The following ATXN7L1 variants were observed in gnomAD, a reference collection of about 807,000 sequenced individuals.
ATXN7L1 encodes the protein ataxin 7 like 1.
In ATXN7L1, 15 loss-of-function variants were observed where a neutral mutation model predicts 70.8. That is an observed-to-expected ratio of 0.21 (90% CI 0.14 to 0.33). The LOEUF is 0.33. Ranked by LOEUF, ATXN7L1 falls within the 10% of genes least tolerant of loss-of-function variation. ATXN7L1 has a pLI of 1.00. For missense variants in ATXN7L1, 975 were observed against 1,097.1 expected (o/e 0.89, Z 1.57); for synonymous variants, 440 against 445.1 (o/e 0.99, Z 0.14).
At position 105,649,246 on chromosome 7, in the gene ATXN7L1, T is replaced by A. The variant is rs144143156; in HGVS notation, c.579-6125A>T. Among the ~76,000 whole-genome samples, 15 of 152,328 alleles carry A rather than the reference T, an allele frequency of 9.8e-5. No individual in the cohort carries two copies. In the East Asian group the frequency reaches 2.9e-3, roughly 29 times the overall value. On this transcript the variant is annotated intron_variant, in intron 4 of 11. Transcript: ENST00000419735. ...TTTTGTTCACTTGGGATGAACTCTT[T>A]CAGAGAGCTCAGGGCTGCAGCCTGT... is the stretch of plus-strand genomic sequence containing the variant.
At chr7:105,702,028 G>T (rs1563018789) in intron 3 of ATXN7L1, among the ~76,000 whole-genome samples, 1 of 152,226 alleles carries the variant, frequency 6.6e-6, no homozygotes, top group Non-Finnish European at 1.5e-5. Flanking sequence ...CCTTGGAGAA[G>T]ACAAGTTGAA....
chr7:105,612,342 T>G (rs1793228021), intron 10 of ATXN7L1, among the ~76,000 whole-genome samples: 1 of 152,198 alleles, frequency 6.6e-6, no homozygotes, highest in Non-Finnish European at 1.5e-5. Context: ...GAGCCCATCA[T>G]CTACGTGTTA....
intron 2 of ATXN7L1, among the ~76,000 whole-genome samples, chr7:105,843,139 G>T (rs1259520539): frequency 1.3e-5 from 2 of 152,188 alleles, no homozygotes; most frequent in African/African-American, 4.8e-5. Flanking sequence ...CCAACAGACA[G>T]GGTCCTTTGG....
chr7:105,716,665 G>GCGCACA (rs1794581919), intron 3 of ATXN7L1, among the ~76,000 whole-genome samples: 2 of 125,524 alleles, frequency 1.6e-5, no homozygotes, highest in East Asian at 2.3e-4. Context: ...ACCTATCTCT[G>GCGCACA]CACACACACA....
chr7:105,705,857 T>G (rs1417258690), intron 3 of ATXN7L1, among the ~76,000 whole-genome samples: 1 of 152,194 alleles, frequency 6.6e-6, no homozygotes, highest in African/African-American at 2.4e-5. Context: ...TTCTCTCTGC[T>G]CTCTGGACCC....
intron 4 of ATXN7L1, among the ~76,000 whole-genome samples, chr7:105,661,756 T>A (rs575385514): frequency 6.6e-6 from 1 of 152,252 alleles, no homozygotes; most frequent in South Asian, 2.1e-4. Flanking sequence ...GTTGGGTAAA[T>A]GGATGACAGC....
chr7:105,773,487 T>A (rs962843175), intron 3 of ATXN7L1, among the ~76,000 whole-genome samples: 7 of 152,188 alleles, frequency 4.6e-5, no homozygotes, highest in African/African-American at 1.7e-4. Context: ...TGTGGCACCT[T>A]ACAATTAATG....
intron 3 of ATXN7L1, among the ~76,000 whole-genome samples, chr7:105,684,524 G>C (rs1805925201): frequency 6.6e-6 from 1 of 152,140 alleles, no homozygotes; most frequent in African/African-American, 2.4e-5. Flanking sequence ...TGTGATAGCT[G>C]CCTCATCCCT....
At chr7:105,610,502 G>GGCCCCC in intron 11 of ATXN7L1, 27 bp downstream of exon 11, 1 of 1,525,650 alleles carries the variant, frequency 6.6e-7, no homozygotes, top group Non-Finnish European at 8.9e-7. Flanking sequence ...ATGAATTTTT[G>GGCCCCC]CCCCACCCCC....
chr7:105,719,286 C>T (rs1282261912), intron 3 of ATXN7L1, among the ~76,000 whole-genome samples: 1 of 152,164 alleles, frequency 6.6e-6, no homozygotes, highest in Non-Finnish European at 1.5e-5. Flanking sequence ...CCTCCACATT[C>T]AGTCTGGGAG....
intron 3 of ATXN7L1, among the ~76,000 whole-genome samples, chr7:105,686,072 T>C (rs1481453102): frequency 5.9e-5 from 9 of 151,888 alleles, no homozygotes; most frequent in Admixed American, 5.9e-4. Flanking sequence ...AATTTTCCTC[T>C]CCTCGTCCAT....
intron 3 of ATXN7L1, among the ~76,000 whole-genome samples, chr7:105,782,053 G>A (rs1294727322): frequency 6.6e-6 from 1 of 152,138 alleles, no homozygotes; most frequent in African/African-American, 2.4e-5. Context: ...GGCTGGTCTC[G>A]AACTCCTGAG....
intron 5 of ATXN7L1, among the ~76,000 whole-genome samples, chr7:105,641,214 C>CTTTTTTTTTTTTTTTTTTTTTTT (rs561100060): frequency 4.6e-5 from 1 of 21,786 alleles, no homozygotes; most frequent in African/African-American, 1.7e-4. Context: ...CTCTCTCTCT[C>CTTTTTTTTTTTTTTTTTTTTTTT]TTTTTTTTTT....
intron 3 of ATXN7L1, chr7:105,679,283 T>C: frequency 2.8e-6 from 1 of 359,370 alleles, no homozygotes; most frequent in Non-Finnish European, 3.9e-6. Context: ...TGGGTATTCC[T>C]GAACCACACA....
chr7:105,741,541 C>T (rs1052205602), intron 3 of ATXN7L1, among the ~76,000 whole-genome samples: 2 of 151,988 alleles, frequency 1.3e-5, no homozygotes, highest in Admixed American at 6.6e-5. Flanking sequence ...TTTTTCAGCC[C>T]GTGTGGAAGG....
intron 3 of ATXN7L1, among the ~76,000 whole-genome samples, chr7:105,667,352 G>A (rs114282067): frequency 0.021 from 3,129 of 152,306 alleles, 103 homozygotes; most frequent in African/African-American, 0.071. Context: ...TTCGAAGCCA[G>A]GAAATTAGAA....
chr7:105,640,090 C>T (rs541761788), intron 5 of ATXN7L1, among the ~76,000 whole-genome samples: 1 of 151,990 alleles, frequency 6.6e-6, no homozygotes, highest in African/African-American at 2.4e-5. Context: ...CTTGACATGT[C>T]AGAGTGACCT....
At chr7:105,771,401 T>C (rs1327542604) in intron 3 of ATXN7L1, among the ~76,000 whole-genome samples, 1 of 152,044 alleles carries the variant, frequency 6.6e-6, no homozygotes, top group East Asian at 1.9e-4. Flanking sequence ...AAATGACAAA[T>C]CTGATTTATG....
At chr7:105,670,790 C>A (rs2116100424) in intron 3 of ATXN7L1, among the ~76,000 whole-genome samples, 1 of 151,712 alleles carries the variant, frequency 6.6e-6, no homozygotes, top group East Asian at 1.9e-4. Context: ...GGTGAAACCC[C>A]ATCTCTACTA....
Sources: gnomAD v4.1 joint callset for allele counts (sites outside exome capture counted in the v4.1 genomes callset) on GRCh38, gnomAD v4.1.1 for gene constraint, MANE v1.5 for transcripts, NCBI Gene and HGNC (gene_info 2026-07-23, HGNC 2026-07-21) for gene names.